The following ZNF723 variants were observed in gnomAD, a reference collection of about 807,000 sequenced individuals.
The protein encoded by ZNF723 is zinc finger protein 723.
In ZNF723, 5 loss-of-function variants were observed where a neutral mutation model predicts 9.4. The ratio of observed to expected loss-of-function variants is 0.53; its 90% CI spans 0.28 to 1.12. The LOEUF is 1.12. Ranked by LOEUF, ZNF723 falls within the 50% of genes most tolerant of loss-of-function variation. The pLI is 0.10. For missense variants in ZNF723, 450 were observed against 501.5 expected (o/e 0.90, Z 0.98); for synonymous variants, 158 against 168.8 (o/e 0.94, Z 0.49).
At chr19:22,840,804 C>G (rs1967233883) in intron 1 of ZNF723, 1 of 152,124 alleles carries the variant, frequency 6.6e-6, no homozygotes. Flanking sequence ...TCCAGCAGTA[C>G]TTTTTTCATG....
Sources: allele counts gnomAD v4.1 joint callset, GRCh38; gene constraint gnomAD v4.1.1; transcripts MANE v1.5; gene names NCBI Gene and HGNC (gene_info 2026-07-23, HGNC 2026-07-21).